Variants in MAP3K5 observed in about 807,000 individuals in gnomAD.
The protein encoded by MAP3K5 is ASK-1.
A neutral mutation model predicts 158.7 loss-of-function variants in MAP3K5; 56 were observed. The ratio of observed to expected loss-of-function variants is 0.35; its 90% CI spans 0.28 to 0.44. The LOEUF (loss-of-function observed/expected upper bound fraction) is 0.44. MAP3K5 is among the 20% of genes least tolerant of loss of function. The probability of loss-of-function intolerance (pLI) is 1.00; values close to 1 mark genes in which losing one functional copy is unlikely to be tolerated. For missense variants in MAP3K5, 1,294 were observed against 1,674.8 expected, an observed-to-expected ratio of 0.77 and a Z score of 3.97; for synonymous variants, 579 against 601.7, an observed-to-expected ratio of 0.96 and a Z score of 0.55.
intron 12 of MAP3K5, among the ~76,000 whole-genome samples, chr6:136,641,224 T>G (rs1445565106): frequency 6.6e-6 from 1 of 152,186 alleles, no homozygotes; most frequent in Non-Finnish European, 1.5e-5. Flanking sequence ...TCTGTTCAGA[T>G]CATTCATGAG....
chr6:136,606,858 C>A (rs935489968), intron 18 of MAP3K5, among the ~76,000 whole-genome samples: 6 of 152,190 alleles, frequency 3.9e-5, no homozygotes, highest in Non-Finnish European at 7.3e-5. Flanking sequence ...GCAAACTGTT[C>A]CTCTGAAAAG....
At chr6:136,761,082 G>A (rs962623517) in intron 1 of MAP3K5, among the ~76,000 whole-genome samples, 1 of 152,016 alleles carries the variant, frequency 6.6e-6, no homozygotes, top group African/African-American at 2.4e-5. Context: ...TGAGGAAGTG[G>A]GCCCTCACAA....
chr6:136,716,704 A>G (rs1362793222), intron 2 of MAP3K5, among the ~76,000 whole-genome samples: 3 of 152,248 alleles, frequency 2.0e-5, no homozygotes, highest in Admixed American at 1.3e-4. Context: ...AATGCATGAA[A>G]TAAATCAGAA....
At chr6:136,681,112 A>C (rs925913796) in intron 7 of MAP3K5, among the ~76,000 whole-genome samples, 1 of 152,208 alleles carries the variant, frequency 6.6e-6, no homozygotes, top group African/African-American at 2.4e-5. Flanking sequence ...TTCCCTAAGC[A>C]ATTCTGATGT....
chr6:136,766,071 C>T (rs1379862657), intron 1 of MAP3K5, among the ~76,000 whole-genome samples: 1 of 152,160 alleles, frequency 6.6e-6, no homozygotes, highest in African/African-American at 2.4e-5. Flanking sequence ...CCAGCTGCAC[C>T]ACAGGTCATG....
At chr6:136,769,405 A>G (rs1312227608) in intron 1 of MAP3K5, among the ~76,000 whole-genome samples, 1 of 152,078 alleles carries the variant, frequency 6.6e-6, no homozygotes, top group Non-Finnish European at 1.5e-5. Context: ...AGGTGCCAAA[A>G]ATGTTTTGGA....
At chr6:136,667,096 C>T (rs958853166) in intron 8 of MAP3K5, among the ~76,000 whole-genome samples, 7 of 152,186 alleles carry the variant, frequency 4.6e-5, no homozygotes, top group Non-Finnish European at 8.8e-5. Flanking sequence ...ATTGTCATTG[C>T]TTTGCCTACA....
At chr6:136,573,638 G>C (rs1355207328) in intron 25 of MAP3K5, among the ~76,000 whole-genome samples, 5 of 152,192 alleles carry the variant, frequency 3.3e-5, no homozygotes, top group African/African-American at 9.6e-5. Flanking sequence ...TTCTGGGGGA[G>C]GGGAGCCTTG....
chr6:136,601,092 T>G lies in MAP3K5; in HGVS notation c.2858-50A>C, dbSNP rs1483868424. 4 of 1,600,904 alleles carry G rather than the reference T, an allele frequency of 2.5e-6. No homozygotes were observed. In the South Asian group the frequency reaches 4.4e-5, roughly 18 times the overall value. The stretch of plus-strand genomic sequence containing the variant: ...ATGAATAAGCACGTGCTGGGTTTGT[T>G]GTTAAACTGAGAAATCAACAAAAAA... On this transcript the variant is annotated intron_variant, in intron 20 of 29. Coordinates refer to ENST00000359015, the MANE Select transcript of MAP3K5 (RefSeq NM_005923.4).
intron 2 of MAP3K5, among the ~76,000 whole-genome samples, chr6:136,705,494 C>T (rs1294274518): frequency 3.9e-5 from 6 of 152,036 alleles, no homozygotes; most frequent in Non-Finnish European, 8.8e-5. Context: ...TTTGTAGAGA[C>T]AAGATCTCAC....
At chr6:136,597,609 C>T (rs572410657) in intron 21 of MAP3K5, among the ~76,000 whole-genome samples, 15 of 152,342 alleles carry the variant, frequency 9.8e-5, no homozygotes, top group African/African-American at 3.6e-4. Flanking sequence ...GCTTGCACCT[C>T]CAGATTCTGA....
At chr6:136,577,039 A>T (rs1774651708) in intron 25 of MAP3K5, among the ~76,000 whole-genome samples, 1 of 152,098 alleles carries the variant, frequency 6.6e-6, no homozygotes, top group Non-Finnish European at 1.5e-5. Context: ...TTGCCTAAGG[A>T]CGCATGTCTC....
intron 14 of MAP3K5, among the ~76,000 whole-genome samples, chr6:136,635,624 A>C (rs1018861638): frequency 6.6e-6 from 1 of 150,478 alleles, no homozygotes; most frequent in Non-Finnish European, 1.5e-5. Context: ...CATGGTGCTT[A>C]TCCCTATAAT....
At position 136,695,995 on chromosome 6, in the gene MAP3K5, G is replaced by A; in HGVS notation, c.1038C>T (p.Ala346=). The A allele has an allele frequency of 6.2e-7, 1 of 1,613,724 alleles. No individual in the cohort carries two copies. Among genetic ancestry groups the A allele is most frequent in the Non-Finnish European group, 8.5e-7 (1 of 1,179,770 alleles). Residue 346 remains alanine, a synonymous_variant, in exon 6 of 30, where the codon GCC becomes GCT. Transcript: ENST00000359015. ...AATGAAACTTCACATGGTGATGGGA[G>A]GCCAAATCAAAGGTTGGCAGTTTTT... The part of the protein sequence containing the change: ...TLEKLPTFDL[A]SHHHVKFHYA...
intron 2 of MAP3K5, among the ~76,000 whole-genome samples, chr6:136,713,259 G>A (rs1781387901): frequency 6.6e-6 from 1 of 152,158 alleles, no homozygotes. Flanking sequence ...CACTACAAAT[G>A]AGAAAAATAG....
rs117265893 is a variant in MAP3K5, at chr6:136,735,981, C to T, written c.449-15392G>A. On this transcript the variant is annotated intron_variant, in intron 1 of 29. Transcript: ENST00000359015. ...ATAATTGTAAGTAAGAAACACTATA[C>T]CATTATTGCTGTAGAAAGAAAATCA... 6.7e-4 allele frequency among the ~76,000 whole-genome samples: 102 copies of T among 152,158 alleles called. 1 individual carries two copies. The East Asian group carries it at 0.019, about 28-fold the overall frequency.
At chr6:136,655,402 C>A (rs573957133) in intron 10 of MAP3K5, among the ~76,000 whole-genome samples, 2 of 152,192 alleles carry the variant, frequency 1.3e-5, no homozygotes, top group African/African-American at 4.8e-5. Flanking sequence ...GAGCTCAAGG[C>A]TTCATCTGGA....
At chr6:136,691,944 T>C (rs1780405747) in intron 7 of MAP3K5, among the ~76,000 whole-genome samples, 1 of 152,146 alleles carries the variant, frequency 6.6e-6, no homozygotes, top group Admixed American at 6.5e-5. Context: ...TATGTCCTTG[T>C]CTGGTAATTC....
At chr6:136,700,878 G>A (rs1780825143) in intron 3 of MAP3K5, among the ~76,000 whole-genome samples, 3 of 152,088 alleles carry the variant, frequency 2.0e-5, no homozygotes, top group Admixed American at 2.0e-4. Flanking sequence ...CTGCCGTTAT[G>A]GGGAACAAAA....
Sources: gnomAD v4.1 joint callset for allele counts (sites outside exome capture counted in the v4.1 genomes callset) on GRCh38, gnomAD v4.1.1 for gene constraint, MANE v1.5 for transcripts, NCBI Gene and HGNC (gene_info 2026-07-23, HGNC 2026-07-21) for gene names.